ADGRB3: variants seen among roughly 807,000 people sequenced by gnomAD.
ADGRB3 encodes brain-specific angiogenesis inhibitor 3.
A neutral mutation model predicts 193.4 loss-of-function variants in ADGRB3; 37 were observed. The observed-to-expected ratio is 0.19, with a 90% CI of 0.15 to 0.25. ADGRB3 has a LOEUF of 0.25. ADGRB3 is among the 10% of genes least tolerant of loss of function. The pLI, the probability that ADGRB3 is intolerant of heterozygous loss-of-function variation, is 1.00. For missense variants in ADGRB3, 1,637 were observed against 1,852.9 expected (o/e 0.88, Z 2.14); for synonymous variants, 690 against 644.2 (o/e 1.07, Z -1.08).
At chr6:69,276,763 G>A (rs1767311354) in intron 20 of ADGRB3, among the ~76,000 whole-genome samples, 1 of 151,988 alleles carries the variant, frequency 6.6e-6, no homozygotes, top group Non-Finnish European at 1.5e-5. Flanking sequence ...GTACCTTTTG[G>A]CCTTATGGAG....
At chr6:68,797,178 G>A (rs933173992) in intron 3 of ADGRB3, among the ~76,000 whole-genome samples, 2 of 152,078 alleles carry the variant, frequency 1.3e-5, no homozygotes, top group Admixed American at 6.6e-5. Context: ...CCTTGCGTGG[G>A]TCAATCACGC....
intron 11 of ADGRB3, among the ~76,000 whole-genome samples, chr6:69,004,642 CTA>C (rs1483759376): frequency 1.3e-5 from 2 of 150,462 alleles, no homozygotes; most frequent in Non-Finnish European, 3.0e-5. Context: ...CAGTTCCCAC[CTA>C]TGAGTGAGAA....
chr6:68,704,445 TG>T (rs1765292075), intron 3 of ADGRB3, among the ~76,000 whole-genome samples: 1 of 152,218 alleles, frequency 6.6e-6, no homozygotes. Flanking sequence ...AGCTTTTTGC[TG>T]TTTTTAGAAA....
intron 15 of ADGRB3, among the ~76,000 whole-genome samples, chr6:69,057,685 A>G (rs1582428314): frequency 2.0e-5 from 3 of 152,092 alleles, no homozygotes; most frequent in Admixed American, 2.0e-4. Context: ...ATCAATTGAG[A>G]CAGTCATGCA....
rs1312598770 is a variant in ADGRB3 at position 68,943,900 on chromosome 6, A to G, written c.1101A>G (p.Thr367=). ...CSFTCGRGQR[T]RTRSCTPPQY... is the part of the protein sequence containing the mutation. Reference sequence around the variant, plus strand: ...TTACATGTGGTCGAGGCCAAAGAACAAGAACAAGGTCATGCACACCTCCTC... The same window carrying G: ...TTACATGTGGTCGAGGCCAAAGAACGAGAACAAGGTCATGCACACCTCCTC... Residue 367 remains threonine, a synonymous_variant, in exon 6 of 32, where the codon ACA becomes ACG. Transcript: ENST00000370598. The G allele has an allele frequency of 6.2e-7, 1 of 1,614,002 alleles. No homozygotes were observed. Among genetic ancestry groups the G allele is most frequent in the Admixed American group, 1.7e-5 (1 of 60,014 alleles).
At chr6:69,375,078 TC>T (rs1414408950) in intron 30 of ADGRB3, among the ~76,000 whole-genome samples, 1 of 152,118 alleles carries the variant, frequency 6.6e-6, no homozygotes, top group Non-Finnish European at 1.5e-5. Flanking sequence ...TAAACAGGTG[TC>T]TATGGAAGAA....
intron 13 of ADGRB3, among the ~76,000 whole-genome samples, chr6:69,046,746 C>T (rs1283924255): frequency 6.6e-6 from 1 of 152,144 alleles, no homozygotes; most frequent in Non-Finnish European, 1.5e-5. Context: ...TAATTTGAAA[C>T]TAAGTAGTGC....
chr6:69,292,093 GC>G (rs1227273241), intron 20 of ADGRB3, among the ~76,000 whole-genome samples: 14 of 152,118 alleles, frequency 9.2e-5, no homozygotes, highest in African/African-American at 2.9e-4. Context: ...ATCAAACCTC[GC>G]ATAAAAATCT....
Position 68,962,899 on chromosome 6 carries a change from A to G in ADGRB3, c.1525+6090A>G, listed in dbSNP as rs574570516. On this transcript the variant is annotated intron_variant, in intron 8 of 31. Transcript: ENST00000370598. ...TTTGTTGATCTCTCTCTCATCAACT[A>G]TAGCCTCTGTGAGCAACACCCATGA... Among the ~76,000 whole-genome samples, 3 of 152,284 alleles carry G rather than the reference A, an allele frequency of 2.0e-5. No individual in the cohort carries two copies. In the South Asian group the frequency reaches 6.2e-4, roughly 32 times the overall value.
chr6:69,353,310 G>A (rs1405100819), intron 26 of ADGRB3, among the ~76,000 whole-genome samples: 1 of 152,152 alleles, frequency 6.6e-6, no homozygotes, highest in Non-Finnish European at 1.5e-5. Flanking sequence ...GGATATTAAG[G>A]AAGTTTGGCT....
chr6:69,056,785 C>G (rs532565492), intron 15 of ADGRB3, among the ~76,000 whole-genome samples: 88 of 152,244 alleles, frequency 5.8e-4, no homozygotes, highest in African/African-American at 1.9e-3. Flanking sequence ...GTACTCTATT[C>G]TGTTCTGTTG....
intron 17 of ADGRB3, among the ~76,000 whole-genome samples, chr6:69,196,420 G>T (rs538374710): frequency 1.2e-4 from 18 of 152,032 alleles, no homozygotes; most frequent in Non-Finnish European, 2.5e-4. Context: ...ACTTCCGCAG[G>T]CTGTGAGTTC....
chr6:68,731,194 ATAAT>A (rs1361610432), intron 3 of ADGRB3, among the ~76,000 whole-genome samples: 1 of 151,694 alleles, frequency 6.6e-6, no homozygotes, highest in Non-Finnish European at 1.5e-5. Context: ...TATTTGGTAA[ATAAT>A]TCTATATCTA....
chr6:69,360,211 C>T (rs996614248), intron 28 of ADGRB3, among the ~76,000 whole-genome samples: 27 of 151,904 alleles, frequency 1.8e-4, no homozygotes, highest in Non-Finnish European at 3.4e-4. Context: ...AATATTCCCG[C>T]AAGGGCATTC....
chr6:68,932,421 G>T (rs1767365555), intron 4 of ADGRB3, among the ~76,000 whole-genome samples: 1 of 151,970 alleles, frequency 6.6e-6, no homozygotes, highest in African/African-American at 2.4e-5. Flanking sequence ...AAATTTCAAG[G>T]AACATTGTGT....
At chr6:69,328,913 T>C (rs1402405278) in intron 22 of ADGRB3, among the ~76,000 whole-genome samples, 2 of 152,150 alleles carry the variant, frequency 1.3e-5, no homozygotes, top group East Asian at 3.8e-4. Flanking sequence ...AATATGGGAA[T>C]AAGTAAGGTT....
intron 17 of ADGRB3, among the ~76,000 whole-genome samples, chr6:69,129,638 A>G (rs1232450819): frequency 1.3e-5 from 2 of 152,184 alleles, no homozygotes; most frequent in African/African-American, 4.8e-5. Context: ...ATATGCTATT[A>G]CATTATTGCT....
At chr6:68,745,387 G>A (rs1766064012) in intron 3 of ADGRB3, among the ~76,000 whole-genome samples, 1 of 152,112 alleles carries the variant, frequency 6.6e-6, no homozygotes, top group South Asian at 2.1e-4. Flanking sequence ...GGTATCCAAA[G>A]TAGTCAAATT....
chr6:68,717,388 T>G (rs1339448337), intron 3 of ADGRB3, among the ~76,000 whole-genome samples: 1 of 151,766 alleles, frequency 6.6e-6, no homozygotes, highest in Non-Finnish European at 1.5e-5. Flanking sequence ...TGTTTTAGAA[T>G]GTTACATCAT....
Sources: allele counts gnomAD v4.1 joint callset (sites outside exome capture counted in the v4.1 genomes callset), GRCh38; gene constraint gnomAD v4.1.1; transcripts MANE v1.5; gene names NCBI Gene and HGNC (gene_info 2026-07-23, HGNC 2026-07-21).